Variants in SUGCT observed in about 807,000 individuals in gnomAD.
The protein encoded by SUGCT is succinyl-CoA:glutarate-CoA transferase.
In SUGCT, 41 loss-of-function variants were observed where a neutral mutation model predicts 55.0. The observed-to-expected ratio is 0.74, with a 90% confidence interval of 0.58 to 0.97. SUGCT has a LOEUF of 0.97. Ranked by LOEUF, SUGCT falls within the 50% of genes least tolerant of loss-of-function variation. SUGCT has a pLI of 0.00. For missense variants in SUGCT, 568 were observed against 547.8 expected (o/e 1.04, Z -0.37); for synonymous variants, 187 against 200.4 (o/e 0.93, Z 0.56).
intron 7 of SUGCT, among the ~76,000 whole-genome samples, chr7:40,263,967 C>T (rs2150969163): frequency 6.6e-6 from 1 of 152,028 alleles, no homozygotes; most frequent in East Asian, 1.9e-4. Flanking sequence ...GTGAAAGCTT[C>T]AAGTCTTTCA....
chr7:40,999,847 A>C, the SUGCT span, among the ~76,000 whole-genome samples: 2 of 152,206 alleles, frequency 1.3e-5, no homozygotes, highest in Non-Finnish European at 2.9e-5. Context: ...AAGATAAATA[A>C]AAATTCAAGC....
the SUGCT span, among the ~76,000 whole-genome samples, chr7:40,888,632 G>A: frequency 2.1e-3 from 326 of 152,244 alleles, no homozygotes; most frequent in Non-Finnish European, 3.7e-3. Flanking sequence ...ACATAATAAG[G>A]CAAGGTGCAC....
chr7:40,422,585 A>T (rs1186889750), intron 9 of SUGCT, among the ~76,000 whole-genome samples: 7 of 152,012 alleles, frequency 4.6e-5, no homozygotes, highest in Admixed American at 3.9e-4. Context: ...TGTAGTTTTT[A>T]CTCTTTCCAG....
chr7:40,155,736 G>A (rs1162173571), intron 1 of SUGCT, among the ~76,000 whole-genome samples: 2 of 152,062 alleles, frequency 1.3e-5, no homozygotes, highest in Non-Finnish European at 2.9e-5. Flanking sequence ...GGTGGTGTGT[G>A]TTTAGAAGTT....
rs35908558 is a variant in SUGCT, at chr7:40,565,061, A to T, written c.1089+68675A>T. Reference sequence around the variant, plus strand: ...TGGATTCTGAAGAAGTACTGTAGATACTAAAAATATGTTGTGGATGTGGGC... The same window carrying T: ...TGGATTCTGAAGAAGTACTGTAGATTCTAAAAATATGTTGTGGATGTGGGC... On this transcript the variant is annotated intron_variant, in intron 12 of 13. Coordinates refer to ENST00000335693, the MANE Select transcript of SUGCT (RefSeq NM_001193313.2). 9.7e-3 allele frequency among the ~76,000 whole-genome samples: 1,484 copies of T among 152,340 alleles called. 30 individuals carry two copies. The highest frequency in any genetic ancestry group is 0.033 in the African/African-American group (1,373 of 41,572).
chr7:40,836,502 A>G (rs114516094), intron 13 of SUGCT, among the ~76,000 whole-genome samples: 104 of 152,220 alleles, frequency 6.8e-4, no homozygotes, highest in African/African-American at 2.4e-3. Context: ...GTACTATGGA[A>G]TTTTATCATA....
At chr7:40,672,842 T>C (rs1802008806) in intron 12 of SUGCT, among the ~76,000 whole-genome samples, 1 of 152,310 alleles carries the variant, frequency 6.6e-6, no homozygotes, top group East Asian at 1.9e-4. Flanking sequence ...TTACATACAA[T>C]AAAATGCCTC....
At chr7:40,846,218 C>A (rs192958163) in intron 13 of SUGCT, among the ~76,000 whole-genome samples, 1 of 152,088 alleles carries the variant, frequency 6.6e-6, no homozygotes, top group Non-Finnish European at 1.5e-5. Flanking sequence ...CTTGGGAATG[C>A]GCCCAAAGAG....
chr7:40,380,608 C>G (rs1019306621), intron 9 of SUGCT, among the ~76,000 whole-genome samples: 1 of 152,030 alleles, frequency 6.6e-6, no homozygotes, highest in Non-Finnish European at 1.5e-5. Flanking sequence ...TACTTCCATC[C>G]GAATTGGGGG....
intron 13 of SUGCT, among the ~76,000 whole-genome samples, chr7:40,824,503 C>CAG (rs371140520): frequency 6.6e-6 from 1 of 152,122 alleles, no homozygotes; most frequent in Non-Finnish European, 1.5e-5. Flanking sequence ...ATAAGCAACA[C>CAG]AGAGAACATA....
intron 6 of SUGCT, among the ~76,000 whole-genome samples, chr7:40,225,895 T>G (rs1412053405): frequency 6.6e-6 from 1 of 152,154 alleles, no homozygotes; most frequent in Non-Finnish European, 1.5e-5. Flanking sequence ...CAATAATAAT[T>G]AAACTAGGAC....
At chr7:40,858,972 C>A (rs1359698376) in intron 13 of SUGCT, among the ~76,000 whole-genome samples, 1 of 152,188 alleles carries the variant, frequency 6.6e-6, no homozygotes, top group Non-Finnish European at 1.5e-5. Context: ...ATGGAATTCT[C>A]CAAAGAGCTC....
intron 9 of SUGCT, among the ~76,000 whole-genome samples, chr7:40,361,352 A>G (rs1195538351): frequency 6.6e-6 from 1 of 152,068 alleles, no homozygotes; most frequent in Non-Finnish European, 1.5e-5. Flanking sequence ...AGGTGGGTGG[A>G]TCATGAGGTC....
At chr7:40,433,669 C>T (rs1043976699) in intron 9 of SUGCT, among the ~76,000 whole-genome samples, 1 of 152,140 alleles carries the variant, frequency 6.6e-6, no homozygotes, top group African/African-American at 2.4e-5. Flanking sequence ...AAGAGGAATG[C>T]TCAGTTGCAT....
the SUGCT span, among the ~76,000 whole-genome samples, chr7:40,916,191 A>G: frequency 2.0e-5 from 3 of 152,008 alleles, no homozygotes; most frequent in Non-Finnish European, 4.4e-5. Context: ...TTGTTTCTCC[A>G]TCACCTGTTT....
the SUGCT span, among the ~76,000 whole-genome samples, chr7:40,929,419 A>G: frequency 1.1e-4 from 16 of 152,216 alleles, no homozygotes; most frequent in African/African-American, 3.9e-4. Flanking sequence ...CATGATTTAT[A>G]ACCCTTTGGG....
chr7:40,771,479 G>T lies in SUGCT; in HGVS notation c.1153+21982G>T, dbSNP rs536370016. Among the ~76,000 whole-genome samples the T allele has an allele frequency of 3.3e-5, 5 of 152,140 alleles. 1 individual carries two copies. In the South Asian group the frequency reaches 1.0e-3, roughly 32 times the overall value. On this transcript the variant is annotated intron_variant, in intron 13 of 13. Transcript: ENST00000335693. ...GTAATGTATCTTAACAATGCCATGA[G>T]GTTGTCAGTGCTGGAAAGGTAAATA...
chr7:40,996,291 T>C, the SUGCT span, among the ~76,000 whole-genome samples: 1 of 152,124 alleles, frequency 6.6e-6, no homozygotes, highest in African/African-American at 2.4e-5. Context: ...TCCCTGTGCA[T>C]CTGGAGGCTC....
At chr7:40,237,945 A>G (rs1164846494) in intron 7 of SUGCT, among the ~76,000 whole-genome samples, 1 of 152,226 alleles carries the variant, frequency 6.6e-6, no homozygotes, top group Non-Finnish European at 1.5e-5. Context: ...ATTGAGTCTA[A>G]ACATCAATTT....
Sources: gnomAD v4.1 joint callset for allele counts (sites outside exome capture counted in the v4.1 genomes callset) on GRCh38, gnomAD v4.1.1 for gene constraint, MANE v1.5 for transcripts, NCBI Gene and HGNC (gene_info 2026-07-23, HGNC 2026-07-21) for gene names.